Variants in ASXL1 observed in about 807,000 individuals in gnomAD.
ASXL1 encodes ASXL transcriptional regulator 1, also known as polycomb group protein ASXL1.
In ASXL1, 65 loss-of-function variants were observed where a neutral mutation model predicts 89.1. The ratio of observed to expected loss-of-function variants is 0.73; its 90% CI spans 0.60 to 0.90. ASXL1 has a LOEUF of 0.90. Ranked by LOEUF, ASXL1 falls within the 40% of genes least tolerant of loss-of-function variation. The pLI, the probability that ASXL1 is intolerant of heterozygous loss-of-function variation, is 0.00. For missense variants in ASXL1, 1,786 were observed against 1,942.9 expected, an observed-to-expected ratio of 0.92 and a Z score of 1.52; for synonymous variants, 739 against 746.9, an observed-to-expected ratio of 0.99 and a Z score of 0.17.
chr20:32,411,557 T>G (rs11698976), intron 4 of ASXL1, among the ~76,000 whole-genome samples: 1 of 133,540 alleles, frequency 7.5e-6, no homozygotes, highest in Non-Finnish European at 1.6e-5. Context: ...TTTTTTTTTT[T>G]AAAATATGAA....
chr20:32,406,835 C>T (rs2048964379), intron 4 of ASXL1, among the ~76,000 whole-genome samples: 1 of 152,110 alleles, frequency 6.6e-6, no homozygotes, highest in Non-Finnish European at 1.5e-5. Context: ...ACTCTCACGT[C>T]ATACCACACT....
intron 4 of ASXL1, among the ~76,000 whole-genome samples, chr20:32,421,254 C>G (rs1290167584): frequency 7.3e-6 from 1 of 137,362 alleles, no homozygotes; most frequent in Admixed American, 7.2e-5. Context: ...AAAAAAACTT[C>G]AAAAAAAAAA....
chr20:32,427,487 T>G (rs2011355241), intron 4 of ASXL1: 1 of 161,584 alleles, frequency 6.2e-6, no homozygotes, highest in African/African-American at 2.4e-5. Context: ...CCTCGTGCCC[T>G]CTCTAGCTTC....
chr20:32,433,935 T>G lies in ASXL1; in HGVS notation c.1719+18T>G. 6.2e-7 allele frequency: 1 copy of G among 1,611,722 alleles called. No homozygotes were observed. Among genetic ancestry groups the G allele is most frequent in the Non-Finnish European group, 8.5e-7 (1 of 1,180,004 alleles). On this transcript the variant is annotated intron_variant, in intron 12 of 12. Transcript: ENST00000375687. ...CCATCCGGGTAGGAGACTGTTTGATTCCTGGCTGCCCTGGAGCCAGGTTTT... is the reference window on the plus strand; with the variant it reads ...CCATCCGGGTAGGAGACTGTTTGATGCCTGGCTGCCCTGGAGCCAGGTTTT...
intron 4 of ASXL1, among the ~76,000 whole-genome samples, chr20:32,392,585 G>T (rs548085509): frequency 4.7e-5 from 7 of 149,366 alleles, no homozygotes; most frequent in Non-Finnish European, 8.9e-5. Flanking sequence ...TGTGCTGGGA[G>T]GCTGAGGCGG....
chr20:32,435,706 C>T lies in ASXL1; in HGVS notation c.2994C>T (p.Ser998=). 1 of 1,614,168 alleles carries T rather than the reference C, an allele frequency of 6.2e-7. No homozygotes were observed. The highest frequency in any genetic ancestry group is 8.5e-7 in the Non-Finnish European group (1 of 1,180,036). ...AAGCACTGAGTCCTCACGGTGAGTCCACGGATACAGCCTCTGACTTTGAAG... is the reference window on the plus strand; with the variant it reads ...AAGCACTGAGTCCTCACGGTGAGTCTACGGATACAGCCTCTGACTTTGAAG... The part of the protein sequence containing the change: ...DSEALSPHGE[S]TDTASDFEGH... The change falls in exon 13 of 13, where the codon TCC becomes TCT. Residue 998 remains serine, a synonymous_variant. Transcript: ENST00000375687.
intron 4 of ASXL1, among the ~76,000 whole-genome samples, chr20:32,421,474 A>C (rs2049248240): frequency 6.6e-6 from 1 of 152,140 alleles, no homozygotes; most frequent in African/African-American, 2.4e-5. Flanking sequence ...TTTTTTAATA[A>C]AGTTAGCTTT....
At chr20:32,391,494 G>A (rs1049975433) in intron 4 of ASXL1, among the ~76,000 whole-genome samples, 4 of 151,860 alleles carry the variant, frequency 2.6e-5, no homozygotes, top group Admixed American at 2.6e-4. Context: ...TTTTGTTTTC[G>A]TTGTATTTGA....
chr20:32,432,562 G>C, intron 10 of ASXL1: 1 of 352,740 alleles, frequency 2.8e-6, no homozygotes, highest in South Asian at 2.4e-5. Flanking sequence ...TGTCAGCCAA[G>C]GGCTGTTCTT....
At position 32,429,087 on chromosome 20, in the gene ASXL1, G is replaced by T; in HGVS notation, c.472-251G>T. On this transcript the variant is annotated intron_variant, in intron 6 of 12. Coordinates refer to ENST00000375687, the MANE Select transcript of ASXL1 (RefSeq NM_015338.6). This position sits in a 1 kb window ranked among gnomAD's most constrained non-coding sequence, Gnocchi z 4.9. ...ATAACCCTGCACTTACTAGCCTTGA[G>T]ACTTGGGGAAAATTCCTTACCTGTA... 2.0e-6 allele frequency: 1 copy of T among 504,854 alleles called. No individual in the cohort carries two copies. The highest frequency in any genetic ancestry group is 3.6e-6 in the Non-Finnish European group (1 of 276,446). 31.3% of individuals were successfully genotyped at this position (504,854 alleles called of 1,614,324 possible). A position where few individuals can be genotyped will look rare whatever the true frequency, so the allele number is the denominator to read the frequency against.
At chr20:32,397,407 T>TTC (rs2048788084) in intron 4 of ASXL1, among the ~76,000 whole-genome samples, 1 of 141,780 alleles carries the variant, frequency 7.1e-6, no homozygotes, top group Non-Finnish European at 1.6e-5. Context: ...GCCTTTTTTT[T>TTC]TTTTTTTTTT....
Position 32,428,121 on chromosome 20 carries a change from G to C in ASXL1, c.253-7G>C. On this transcript the variant is annotated splice_region_variant and splice_polypyrimidine_tract_variant and intron_variant, in intron 4 of 12. Transcript: ENST00000375687. ...TTGTTCACCTGAGTTGTACCTTGCT[G>C]TCACAGAAGGATGCCCTGCAGTGGT... The C allele has an allele frequency of 6.2e-7, 1 of 1,613,038 alleles. No individual in the cohort carries two copies.
intron 4 of ASXL1, among the ~76,000 whole-genome samples, chr20:32,387,307 T>A (rs978895119): frequency 2.6e-5 from 4 of 151,952 alleles, no homozygotes; most frequent in Admixed American, 6.6e-5. Context: ...ACATAAAAAA[T>A]TTAATATTAT....
At chr20:32,416,030 C>T (rs1178627333) in intron 4 of ASXL1, among the ~76,000 whole-genome samples, 1 of 152,134 alleles carries the variant, frequency 6.6e-6, no homozygotes, top group Non-Finnish European at 1.5e-5. Context: ...GATGTCAGTT[C>T]TTCCCAATTT....
chr20:32,377,228 C>T (rs2048401958), intron 4 of ASXL1, among the ~76,000 whole-genome samples: 1 of 145,856 alleles, frequency 6.9e-6, no homozygotes, highest in African/African-American at 2.5e-5. Flanking sequence ...TCAGGTGATC[C>T]ACCCACCTTA....
intron 4 of ASXL1, among the ~76,000 whole-genome samples, chr20:32,390,202 A>G (rs2048647436): frequency 6.6e-6 from 1 of 152,226 alleles, no homozygotes; most frequent in African/African-American, 2.4e-5. Context: ...TATTTGTAAT[A>G]AAGTGTTGAA....
At chr20:32,419,953 T>A (rs935579983) in intron 4 of ASXL1, among the ~76,000 whole-genome samples, 1 of 152,140 alleles carries the variant, frequency 6.6e-6, no homozygotes, top group African/African-American at 2.4e-5. Flanking sequence ...ATGCTGGCAT[T>A]ACAGGCATGA....
At chr20:32,420,013 G>C (rs1490879574) in intron 4 of ASXL1, among the ~76,000 whole-genome samples, 1 of 150,432 alleles carries the variant, frequency 6.6e-6, no homozygotes. Context: ...GATGTTAATT[G>C]GTGATGTTAG....
chr20:32,417,341 T>C (rs932225165), intron 4 of ASXL1, among the ~76,000 whole-genome samples: 8 of 152,328 alleles, frequency 5.3e-5, no homozygotes, highest in African/African-American at 1.9e-4. Flanking sequence ...AAGAATTTCT[T>C]TCTGGTTGAT....
Sources: gnomAD v4.1 joint callset for allele counts (sites outside exome capture counted in the v4.1 genomes callset) on GRCh38, gnomAD v4.1.1 for gene constraint, Gnocchi (gnomAD v3.1) non-coding constraint, MANE v1.5 for transcripts, NCBI Gene and HGNC (gene_info 2026-07-23, HGNC 2026-07-21) for gene names.